ELOVL4: variants seen among roughly 807,000 people sequenced by gnomAD.
ELOVL4 encodes ELOVL fatty acid elongase 4.
In ELOVL4, 18 loss-of-function variants were observed where a neutral mutation model predicts 42.1. The ratio of observed to expected loss-of-function variants is 0.43; its 90% CI spans 0.30 to 0.63. The LOEUF (loss-of-function observed/expected upper bound fraction) is 0.63, where lower values mean the gene tolerates loss of function less well. Ranked by LOEUF, ELOVL4 falls within the 30% of genes least tolerant of loss-of-function variation. ELOVL4 has a pLI of 0.15. For missense variants in ELOVL4, 299 were observed against 376.2 expected, an observed-to-expected ratio of 0.79 and a Z score of 1.70; for synonymous variants, 117 against 127.0, an observed-to-expected ratio of 0.92 and a Z score of 0.53.
Position 79,938,423 on chromosome 6 carries a change from T to C in ELOVL4, c.100+8757A>G, listed in dbSNP as rs1290488085. Among the ~76,000 whole-genome samples, 4 of 152,262 alleles carry C rather than the reference T, an allele frequency of 2.6e-5. 1 individual carries two copies. Among genetic ancestry groups the C allele is most frequent in the South Asian group, 4.1e-4 (2 of 4,834 alleles). On this transcript the variant is annotated intron_variant, in intron 1 of 5. Transcript: ENST00000369816. ...AAAATCTTCCCTTGACTCTAACAGT[T>C]CTATAAGTTGAATAGCCACTGGGTA...
At chr6:79,937,928 T>C (rs1156796725) in intron 1 of ELOVL4, among the ~76,000 whole-genome samples, 1 of 152,200 alleles carries the variant, frequency 6.6e-6, no homozygotes, top group Non-Finnish European at 1.5e-5. Context: ...AGTTTCATCA[T>C]GTGCAGACGA....
chr6:79,931,154 T>C lies in ELOVL4; in HGVS notation c.101-4773A>G, dbSNP rs145630248. Among the ~76,000 whole-genome samples the C allele has an allele frequency of 5.5e-3, 839 of 151,936 alleles. 10 individuals are homozygous for C. The highest frequency in any genetic ancestry group is 0.019 in the African/African-American group (795 of 41,252). On this transcript the variant is annotated intron_variant, in intron 1 of 5. Transcript: ENST00000369816. ...CGTCAAATTTATCAAATTATCAAAT[T>C]TGTTTATCAAATTATTTTTATATTT... is the stretch of plus-strand genomic sequence containing the variant.
At chr6:79,928,496 CT>C (rs1774382885) in intron 1 of ELOVL4, among the ~76,000 whole-genome samples, 1 of 151,982 alleles carries the variant, frequency 6.6e-6, no homozygotes, top group African/African-American at 2.4e-5. Flanking sequence ...AGTGCTCATT[CT>C]TTTTGATGTA....
intron 1 of ELOVL4, among the ~76,000 whole-genome samples, chr6:79,928,993 G>C (rs1320354935): frequency 6.6e-6 from 1 of 152,086 alleles, no homozygotes; most frequent in Non-Finnish European, 1.5e-5. Flanking sequence ...GCACTAGTAA[G>C]AAGCCACCAT....
At chr6:79,938,145 A>C (rs957559719) in intron 1 of ELOVL4, among the ~76,000 whole-genome samples, 1 of 152,250 alleles carries the variant, frequency 6.6e-6, no homozygotes, top group Admixed American at 6.5e-5. Context: ...AGAGCTGAAG[A>C]ATGTTGCCTC....
chr6:79,925,413 A>T (rs567019182), intron 2 of ELOVL4, among the ~76,000 whole-genome samples: 263 of 152,326 alleles, frequency 1.7e-3, no homozygotes, highest in African/African-American at 5.9e-3. Context: ...CAAATAAATT[A>T]AAGTGTTCAT....
rs1561985637 is a variant in ELOVL4 at position 79,926,354 on chromosome 6, A to G, written c.128T>C (p.Met43Thr). 1 of 1,614,048 alleles carries G rather than the reference A, an allele frequency of 6.2e-7. No homozygotes were observed. Among genetic ancestry groups the G allele is most frequent in the Non-Finnish European group, 8.5e-7 (1 of 1,179,952 alleles). The change falls in exon 2 of 6, where the codon ATG (methionine) becomes ACG (threonine). Residue 43 changes from methionine to threonine, a missense_variant. Met to Thr is a moderately conservative substitution (Grantham distance 81, BLOSUM62 -1). Transcript: ENST00000369816. ...ADKRVENWPL[M>T]QSPWPTLSIS... The stretch of plus-strand genomic sequence containing the variant: ...ACTTAGTGTAGGCCAAGGAGACTGC[A>G]TCAGAGGCCAATTTTCCACACGCTT...
intron 2 of ELOVL4, among the ~76,000 whole-genome samples, chr6:79,925,868 A>C (rs1182403025): frequency 1.3e-5 from 2 of 152,162 alleles, no homozygotes; most frequent in African/African-American, 4.8e-5. Flanking sequence ...AAATTATCTT[A>C]CTTTACTCCG....
intron 1 of ELOVL4, among the ~76,000 whole-genome samples, chr6:79,928,239 C>G (rs960938130): frequency 6.6e-6 from 1 of 152,062 alleles, no homozygotes. Flanking sequence ...TTAAGGCAGG[C>G]GCTGTTTTTC....
intron 1 of ELOVL4, among the ~76,000 whole-genome samples, chr6:79,934,490 C>T (rs1397904958): frequency 3.3e-5 from 5 of 152,146 alleles, no homozygotes. Flanking sequence ...ACCACGACGT[C>T]ATGCATTCCC....
At position 79,947,200 on chromosome 6, in the gene ELOVL4, C is replaced by A. The variant is rs575090957; in HGVS notation, c.80G>T (p.Arg27Leu). ...TTTACCTGCGATGGACCAGGTCCAG[C>A]GGTAGAACTCTACCGTGTCGTTGAG... ...TALNDTVEFY[R>L]WTWSIADKRV... is the part of the protein sequence containing the mutation. The change falls in exon 1 of 6, where the codon CGC (arginine) becomes CTC (leucine). Residue 27 changes from arginine to leucine, a missense_variant. Physicochemically the swap from Arg to Leu is moderately radical, Grantham distance 102. Coordinates refer to ENST00000369816, the MANE Select transcript of ELOVL4 (RefSeq NM_022726.4). 8 of 1,612,870 alleles carry A rather than the reference C, an allele frequency of 5.0e-6. 1 individual carries two copies. The South Asian group carries it at 8.8e-5, about 18-fold the overall frequency.
chr6:79,931,168 AT>A (rs1313025882), intron 1 of ELOVL4, among the ~76,000 whole-genome samples: 1 of 152,168 alleles, frequency 6.6e-6, no homozygotes, highest in African/African-American at 2.4e-5. Context: ...TTATCAAATT[AT>A]TTTTATATTT....
rs1774146399 is a variant in ELOVL4 at position 79,915,637 on chromosome 6, T to A, written c.*971A>T. 5.2e-5 allele frequency: 8 copies of A among 152,468 alleles called. No individual in the cohort carries two copies. The highest frequency in any genetic ancestry group is 5.2e-4 in the Admixed American group (8 of 15,270). 9.4% of individuals were successfully genotyped at this position (152,468 alleles called of 1,614,324 possible). On this transcript the variant is annotated 3_prime_UTR_variant, in exon 6 of 6. Transcript: ENST00000369816. ...AAATTTACATTAGAAGACTCCTTGATTTTTTAATTAAAATTTATTTAATTT... is the reference window on the plus strand; with the variant it reads ...AAATTTACATTAGAAGACTCCTTGAATTTTTAATTAAAATTTATTTAATTT...
chr6:79,927,344 C>T (rs1361125685), intron 1 of ELOVL4, among the ~76,000 whole-genome samples: 2 of 152,110 alleles, frequency 1.3e-5, no homozygotes, highest in African/African-American at 4.8e-5. Context: ...CAATGCAAAA[C>T]ATTTTATGTC....
chr6:79,926,092 C>T, intron 2 of ELOVL4, 102 bp downstream of exon 2: 1 of 1,039,040 alleles, frequency 9.6e-7, no homozygotes. Flanking sequence ...GAGTAGCTAA[C>T]AGTTATGTCT....
intron 3 of ELOVL4, 41 bp from the exon 4 acceptor site, chr6:79,921,837 C>A: frequency 6.3e-7 from 1 of 1,580,854 alleles, no homozygotes; most frequent in Non-Finnish European, 8.7e-7. Context: ...CAAAATGACA[C>A]TATTGTATGG....
chr6:79,943,078 A>C (rs1774673625), intron 1 of ELOVL4, among the ~76,000 whole-genome samples: 1 of 152,098 alleles, frequency 6.6e-6, no homozygotes, highest in African/African-American at 2.4e-5. Context: ...AGAAACATTC[A>C]AAGAAAACTG....
chr6:79,916,483 G>T lies in ELOVL4; in HGVS notation c.*125C>A, dbSNP rs181283522. The T allele has an allele frequency of 7.2e-5, 74 of 1,032,702 alleles. No individual in the cohort carries two copies. In the East Asian group the frequency reaches 1.7e-3, roughly 24 times the overall value. The allele number at this position is 1,032,702 out of a possible 1,614,324, so 64.0% of individuals were successfully genotyped here. On this transcript the variant is annotated 3_prime_UTR_variant, in exon 6 of 6. Transcript: ENST00000369816. ...ACTTTACTCAGTCTAAGAGTTACTA[G>T]GACATAGAGCACATTTGTCTTTTCT... is the stretch of plus-strand genomic sequence containing the variant.
chr6:79,921,713 GTT>G lies in ELOVL4; in HGVS notation c.451_452del (p.Asn151GlnfsTer23). On this transcript the variant is annotated frameshift_variant, in exon 4 of 6. Coordinates refer to ENST00000369816, the MANE Select transcript of ELOVL4 (RefSeq NM_022726.4). LOFTEE classifies it high-confidence loss of function. ...ACACATGAAGGAAAGAAACTTGGTT[GTT>G]TTTCTTTCTCAGAATAAAAAACACT... is the stretch of plus-strand genomic sequence containing the variant. ...DTVFFILRKK[N>X]NQVSFLHVYH... 1 of 1,613,890 alleles carries G rather than the reference GTT, an allele frequency of 6.2e-7. No homozygotes were observed. The highest frequency in any genetic ancestry group is 8.5e-7 in the Non-Finnish European group (1 of 1,179,862).
Sources: gnomAD v4.1 joint callset for allele counts (sites outside exome capture counted in the v4.1 genomes callset) on GRCh38, gnomAD v4.1.1 for gene constraint, MANE v1.5 for transcripts, NCBI Gene and HGNC (gene_info 2026-07-23, HGNC 2026-07-21) for gene names.